The following CSMD1 variants were observed in gnomAD, a reference collection of about 807,000 sequenced individuals.
The protein encoded by CSMD1 is CUB and sushi domain-containing protein 1.
Under a neutral mutation model 417.5 loss-of-function variants are expected in CSMD1, and 213 were observed. The ratio of observed to expected loss-of-function variants is 0.51; its 90% confidence interval spans 0.46 to 0.57. The LOEUF (loss-of-function observed/expected upper bound fraction) is 0.57, where lower values mean the gene tolerates loss of function less well. CSMD1 is among the 20% of genes least tolerant of loss of function. The probability of loss-of-function intolerance (pLI) is 0.00; values close to 1 mark genes in which losing one functional copy is unlikely to be tolerated. For missense variants in CSMD1, 6,923 were observed against 4,529.7 expected (o/e 1.53, Z -15.17); for synonymous variants, 2,862 against 1,736.8 (o/e 1.65, Z -16.11).
At chr8:3,286,867 C>G (rs1412576356) in intron 25 of CSMD1, among the ~76,000 whole-genome samples, 7 of 152,032 alleles carry the variant, frequency 4.6e-5, no homozygotes, top group Admixed American at 1.3e-4. Context: ...GTTGCCATTG[C>G]TTTTGGTGTT....
intron 59 of CSMD1, 134 bp downstream of exon 59, chr8:2,965,641 A>T: frequency 1.5e-6 from 1 of 663,926 alleles, no homozygotes. Context: ...AAAGTGACTT[A>T]ATAGTTGCAA....
At chr8:4,152,153 T>C (rs2131058518) in intron 3 of CSMD1, among the ~76,000 whole-genome samples, 1 of 152,288 alleles carries the variant, frequency 6.6e-6, no homozygotes, top group Non-Finnish European at 1.5e-5. Flanking sequence ...TGTTTGAAAT[T>C]GGATAATTTA....
rs184214258 is a variant in CSMD1 at position 4,950,865 on chromosome 8, G to A, written c.85+43467C>T. ...ACCACTCTTGGTGTACCCTACCTTG[G>A]CTTAAGAAAAAGTACCAGGGTGGCA... On this transcript the variant is annotated intron_variant, in intron 1 of 69. Transcript: ENST00000635120. 9.7e-4 allele frequency among the ~76,000 whole-genome samples: 147 copies of A among 152,052 alleles called. 1 individual carries two copies. The highest frequency in any genetic ancestry group is 3.5e-3 in the African/African-American group (144 of 41,486).
intron 10 of CSMD1, among the ~76,000 whole-genome samples, chr8:3,563,479 A>C (rs1211612495): frequency 1.3e-5 from 2 of 150,566 alleles, no homozygotes; most frequent in Admixed American, 1.3e-4. Flanking sequence ...CACATCTAAG[A>C]CCTGTAAAAC....
chr8:3,108,738 C>A lies in CSMD1; in HGVS notation c.6619G>T (p.Asp2207Tyr). 6.2e-7 allele frequency: 1 copy of A among 1,612,396 alleles called. No individual in the cohort carries two copies. The highest frequency in any genetic ancestry group is 2.2e-5 in the East Asian group (1 of 44,862). Reference protein sequence around the residue: ...NDYIAVWDGPDQNSPQLGVFS... With the variant: ...NDYIAVWDGPYQNSPQLGVFS... ...ACTCCCAGCTGGGGTGAGTTCTGAT[C>A]GGGACCGTCCCTAGGAAAGACAGAA... The change falls in exon 44 of 70, where the codon GAT (aspartate) becomes TAT (tyrosine). Residue 2207 changes from aspartate (D) to tyrosine (Y), a missense_variant. Transcript: ENST00000635120.
At chr8:3,645,456 G>T (rs756502594) in intron 7 of CSMD1, among the ~76,000 whole-genome samples, 2 of 152,186 alleles carry the variant, frequency 1.3e-5, no homozygotes, top group Admixed American at 6.5e-5. Flanking sequence ...AAACCTTAAA[G>T]CAGACATTTA....
chr8:4,721,413 C>G (rs575914958), intron 1 of CSMD1, among the ~76,000 whole-genome samples: 5 of 152,260 alleles, frequency 3.3e-5, no homozygotes, highest in South Asian at 4.1e-4. Context: ...ATGAATCTGA[C>G]TACTACAAAT....
intron 3 of CSMD1, among the ~76,000 whole-genome samples, chr8:4,172,622 C>T (rs917113479): frequency 6.6e-6 from 1 of 152,174 alleles, no homozygotes; most frequent in African/African-American, 2.4e-5. Flanking sequence ...AACCCACCCT[C>T]CTGGTATTTA....
chr8:3,242,779 C>A (rs550608034), intron 26 of CSMD1, among the ~76,000 whole-genome samples: 1 of 151,004 alleles, frequency 6.6e-6, no homozygotes, highest in Admixed American at 6.6e-5. Flanking sequence ...GTTTCTTACC[C>A]TCCAGACAAG....
At chr8:3,823,471 C>T (rs577626327) in intron 5 of CSMD1, among the ~76,000 whole-genome samples, 14 of 152,106 alleles carry the variant, frequency 9.2e-5, no homozygotes, top group East Asian at 3.9e-4. Context: ...TTTTATGCAA[C>T]GAATGTATTT....
chr8:4,123,468 G>C (rs946434293), intron 3 of CSMD1, among the ~76,000 whole-genome samples: 6 of 152,266 alleles, frequency 3.9e-5, no homozygotes, highest in South Asian at 2.1e-4. Flanking sequence ...ATTATTGTGG[G>C]TAAATCAGTG....
chr8:3,372,303 G>T (rs1810007444), intron 18 of CSMD1, among the ~76,000 whole-genome samples: 1 of 152,146 alleles, frequency 6.6e-6, no homozygotes, highest in Admixed American at 6.5e-5. Context: ...GGAACAGAAA[G>T]GACACCTCTG....
intron 5 of CSMD1, among the ~76,000 whole-genome samples, chr8:3,918,633 C>T (rs1025863971): frequency 1.3e-5 from 2 of 151,958 alleles, no homozygotes; most frequent in Admixed American, 6.6e-5. Flanking sequence ...CATAAATTCC[C>T]ATCAAAAACG....
At chr8:4,367,411 G>C (rs996621135) in intron 3 of CSMD1, among the ~76,000 whole-genome samples, 2 of 151,994 alleles carry the variant, frequency 1.3e-5, no homozygotes, top group African/African-American at 4.8e-5. Flanking sequence ...ATTTTTCATT[G>C]GTCTATGTGT....
At chr8:4,119,842 T>C (rs1802379094) in intron 3 of CSMD1, among the ~76,000 whole-genome samples, 1 of 152,220 alleles carries the variant, frequency 6.6e-6, no homozygotes, top group African/African-American at 2.4e-5. Flanking sequence ...CACGTTTGTG[T>C]ATGTTTCTGG....
intron 10 of CSMD1, among the ~76,000 whole-genome samples, chr8:3,546,163 T>TAA (rs60787912): frequency 0.047 from 7,204 of 152,260 alleles, 490 homozygotes; most frequent in African/African-American, 0.15. Context: ...ATCATGTATT[T>TAA]GTTTGTCTTC....
intron 5 of CSMD1, among the ~76,000 whole-genome samples, chr8:3,773,294 G>C (rs764811090): frequency 1.6e-4 from 24 of 152,218 alleles, no homozygotes; most frequent in South Asian, 4.1e-4. Flanking sequence ...GGTTTGGGGA[G>C]AGCTGGTAGG....
At chr8:2,973,952 G>T (rs1032504564) in intron 56 of CSMD1, among the ~76,000 whole-genome samples, 8 of 142,188 alleles carry the variant, frequency 5.6e-5, no homozygotes, top group Non-Finnish European at 1.0e-4. Flanking sequence ...GATGATGGTA[G>T]AGGATGATGG....
intron 3 of CSMD1, among the ~76,000 whole-genome samples, chr8:4,311,923 C>T (rs1044112452): frequency 1.3e-5 from 2 of 151,902 alleles, no homozygotes; most frequent in Non-Finnish European, 2.9e-5. Flanking sequence ...ACTTATTTAC[C>T]TGTGTAACAA....
Sources: gnomAD v4.1 joint callset for allele counts (sites outside exome capture counted in the v4.1 genomes callset) on GRCh38, gnomAD v4.1.1 for gene constraint, MANE v1.5 for transcripts, NCBI Gene and HGNC (gene_info 2026-07-23, HGNC 2026-07-21) for gene names.